Variants in MYO5A observed in about 807,000 individuals in gnomAD.
MYO5A encodes unconventional myosin-Va.
MYO5A carries 98 observed loss-of-function variants against 249.7 expected under a neutral mutation model. The observed-to-expected ratio is 0.39, with a 90% confidence interval of 0.33 to 0.46. The LOEUF (loss-of-function observed/expected upper bound fraction) is 0.46, where lower values mean the gene tolerates loss of function less well. MYO5A is among the 20% of genes least tolerant of loss of function. The pLI is 0.98. For missense variants in MYO5A, 1,696 were observed against 2,308.8 expected (o/e 0.73, Z 5.44); for synonymous variants, 778 against 810.6 (o/e 0.96, Z 0.68).
intron 23 of MYO5A, among the ~76,000 whole-genome samples, chr15:52,366,349 C>T (rs1011776740): frequency 6.6e-6 from 1 of 151,912 alleles, no homozygotes; most frequent in South Asian, 2.1e-4. Context: ...GTGTAATCAA[C>T]AGAATGTATA....
chr15:52,333,914 G>C (rs933868078), intron 34 of MYO5A, among the ~76,000 whole-genome samples: 1 of 152,170 alleles, frequency 6.6e-6, no homozygotes, highest in Non-Finnish European at 1.5e-5. Context: ...CTCTTTATTT[G>C]GGGTAGAAGC....
intron 1 of MYO5A, among the ~76,000 whole-genome samples, chr15:52,437,594 C>CAAAA (rs57299562): frequency 1.5e-4 from 11 of 73,854 alleles, no homozygotes; most frequent in East Asian, 3.6e-4. Context: ...GACTCCATCT[C>CAAAA]AAAAAAAAAA....
At chr15:52,350,771 C>A (rs1362056025) in intron 28 of MYO5A, among the ~76,000 whole-genome samples, 1 of 152,160 alleles carries the variant, frequency 6.6e-6, no homozygotes, top group South Asian at 2.1e-4. Flanking sequence ...GACATCACCC[C>A]GCTACTAAAC....
At chr15:52,318,065 A>G (rs2038110211) in intron 39 of MYO5A, among the ~76,000 whole-genome samples, 1 of 152,230 alleles carries the variant, frequency 6.6e-6, no homozygotes, top group Non-Finnish European at 1.5e-5. Flanking sequence ...AAATTTGAAA[A>G]GAACACTAAC....
intron 1 of MYO5A, among the ~76,000 whole-genome samples, chr15:52,513,097 GT>G (rs1337183108): frequency 6.6e-6 from 1 of 151,120 alleles, no homozygotes; most frequent in African/African-American, 2.4e-5. Context: ...AGCCAAGACA[GT>G]AGGTTTAGAA....
intron 1 of MYO5A, among the ~76,000 whole-genome samples, chr15:52,476,584 C>A (rs2076599549): frequency 1.3e-5 from 2 of 151,992 alleles, no homozygotes; most frequent in South Asian, 2.1e-4. Context: ...GTAAGGCAGG[C>A]CTGGTGGTGA....
intron 22 of MYO5A, among the ~76,000 whole-genome samples, chr15:52,368,989 G>A (rs539056011): frequency 1.4e-4 from 21 of 152,346 alleles, no homozygotes; most frequent in African/African-American, 4.8e-4. Context: ...ACATTCAAGA[G>A]TATCTTTTTG....
chr15:52,448,770 C>A (rs1347227334), intron 1 of MYO5A, among the ~76,000 whole-genome samples: 2 of 151,146 alleles, frequency 1.3e-5, no homozygotes, highest in African/African-American at 4.9e-5. Flanking sequence ...CACCTCCCAC[C>A]CTCTCTTGTC....
At chr15:52,367,817 C>T (rs534310727) in intron 22 of MYO5A, among the ~76,000 whole-genome samples, 3 of 151,132 alleles carry the variant, frequency 2.0e-5, no homozygotes, top group Non-Finnish European at 2.9e-5. Context: ...TGCCACAGAA[C>T]TGTCCACTTA....
chr15:52,328,861 A>G (rs781761914), intron 35 of MYO5A, among the ~76,000 whole-genome samples: 1 of 152,152 alleles, frequency 6.6e-6, no homozygotes, highest in Non-Finnish European at 1.5e-5. Flanking sequence ...CCCTGGGCCT[A>G]CGTGCTTACT....
At chr15:52,406,200 TAGAA>T (rs1555445328) in intron 8 of MYO5A, among the ~76,000 whole-genome samples, 1 of 152,170 alleles carries the variant, frequency 6.6e-6, no homozygotes, top group Non-Finnish European at 1.5e-5. Context: ...TATGTAATCT[TAGAA>T]AGGGTAATTC....
At chr15:52,378,540 T>C (rs1274108483) in intron 18 of MYO5A, among the ~76,000 whole-genome samples, 1 of 27,072 alleles carries the variant, frequency 3.7e-5, no homozygotes, top group African/African-American at 7.1e-5. Context: ...AAGAAGGGAA[T>C]TGGGGCAAAC....
intron 1 of MYO5A, among the ~76,000 whole-genome samples, chr15:52,481,186 G>A (rs1490872369): frequency 6.6e-6 from 1 of 152,130 alleles, no homozygotes; most frequent in Non-Finnish European, 1.5e-5. Flanking sequence ...AAAAACAGAT[G>A]GTGTGCCTGT....
intron 1 of MYO5A, among the ~76,000 whole-genome samples, chr15:52,491,557 A>C (rs945576607): frequency 6.6e-6 from 1 of 152,232 alleles, no homozygotes; most frequent in Non-Finnish European, 1.5e-5. Flanking sequence ...AGTAATGAAC[A>C]CTAAGCCATG....
intron 12 of MYO5A, 83 bp downstream of exon 12, chr15:52,391,847 T>C: frequency 2.1e-6 from 3 of 1,408,446 alleles, no homozygotes; most frequent in Non-Finnish European, 2.0e-6. Flanking sequence ...GATATACTAA[T>C]GAATCTCTCC....
At chr15:52,500,956 G>A (rs1236704890) in intron 1 of MYO5A, among the ~76,000 whole-genome samples, 1 of 151,768 alleles carries the variant, frequency 6.6e-6, no homozygotes, top group Non-Finnish European at 1.5e-5. Flanking sequence ...TGTATTGTGT[G>A]TATACACAAA....
intron 3 of MYO5A, 116 bp from the exon 4 acceptor site, chr15:52,426,090 A>G (rs1251543612): frequency 8.8e-6 from 8 of 904,420 alleles, no homozygotes; most frequent in Non-Finnish European, 1.4e-5. Context: ...CAATTTAGTT[A>G]ATATTAAACC....
In MYO5A at chr15:52,370,711, T is replaced by G. The variant is rs56400376; in HGVS notation, c.2818-294A>C. Among the ~76,000 whole-genome samples, 796 of 152,368 alleles carry G rather than the reference T, an allele frequency of 5.2e-3. 2 individuals carry two copies. Among genetic ancestry groups the G allele is most frequent in the Non-Finnish European group, 7.6e-3 (516 of 68,042 alleles). ...TAGTAAATTCTTAATTTCCTGATTC[T>G]TAATTCAGAAATAGGAGGATCTATA... On this transcript the variant is annotated intron_variant, in intron 21 of 41. Transcript: ENST00000399233.
intron 24 of MYO5A, among the ~76,000 whole-genome samples, chr15:52,362,822 C>T (rs2040600810): frequency 6.6e-6 from 1 of 152,200 alleles, no homozygotes; most frequent in Non-Finnish European, 1.5e-5. Context: ...ATGGCCACCT[C>T]CTCGACTAAA....
Sources: gnomAD v4.1 joint callset for allele counts (sites outside exome capture counted in the v4.1 genomes callset) on GRCh38, gnomAD v4.1.1 for gene constraint, MANE v1.5 for transcripts, NCBI Gene and HGNC (gene_info 2026-07-23, HGNC 2026-07-21) for gene names.